TMPRSS4: variants seen among roughly 807,000 people sequenced by gnomAD.
TMPRSS4 encodes transmembrane serine protease 4.
In TMPRSS4, 45 loss-of-function variants were observed where a neutral mutation model predicts 56.4. The ratio of observed to expected loss-of-function variants is 0.80; its 90% CI spans 0.63 to 1.02. The LOEUF is 1.02. Among genes scored for constraint, TMPRSS4 ranks in the 50% least tolerant of loss-of-function variants. The pLI, the probability that TMPRSS4 is intolerant of heterozygous loss-of-function variation, is 0.00. For missense variants in TMPRSS4, 546 were observed against 556.7 expected, an observed-to-expected ratio of 0.98 and a Z score of 0.19; for synonymous variants, 205 against 211.0, an observed-to-expected ratio of 0.97 and a Z score of 0.25.
At position 118,104,831 on chromosome 11, in the gene TMPRSS4, T is replaced by C; in HGVS notation, c.440+11T>C. On this transcript the variant is annotated intron_variant, in intron 5 of 12. Coordinates refer to ENST00000437212, the MANE Select transcript of TMPRSS4 (RefSeq NM_019894.4). ...GATGGGCTACAGCAGGTAACCAACC[T>C]GGGCCTCTCTCCTTTTTCCCTCCTT... 7.0e-6 allele frequency: 11 copies of C among 1,565,062 alleles called. No homozygotes were observed. Among genetic ancestry groups the C allele is most frequent in the East Asian group, 2.4e-5 (1 of 41,814 alleles).
chr11:118,082,760 T>A (rs903252671), intron 1 of TMPRSS4, among the ~76,000 whole-genome samples: 1 of 151,956 alleles, frequency 6.6e-6, no homozygotes, highest in African/African-American at 2.4e-5. Context: ...GATAGAAAAT[T>A]GATTTAAAGA....
chr11:118,116,599 TG>T (rs1353445868), intron 11 of TMPRSS4, among the ~76,000 whole-genome samples: 7 of 131,512 alleles, frequency 5.3e-5, no homozygotes, highest in African/African-American at 2.3e-4. Flanking sequence ...CAGGGATCTT[TG>T]TTTTTTTTCA....
intron 3 of TMPRSS4, 64 bp from the exon 4 acceptor site, chr11:118,103,037 C>T (rs1342417594): frequency 1.3e-6 from 2 of 1,585,170 alleles, no homozygotes; most frequent in Non-Finnish European, 1.7e-6. Context: ...CAGGAAAACC[C>T]AGCGTCTCCC....
Position 118,098,974 on chromosome 11 carries a change from T to C in TMPRSS4, c.44-11T>C, listed in dbSNP as rs765447378. On this transcript the variant is annotated splice_polypyrimidine_tract_variant and intron_variant, in intron 2 of 12. Transcript: ENST00000437212. ...GCATGCTCTTCCCCTCTGCCTCCCA[T>C]TTTCTTGCAGATGTCAAACCCCTGC... 5.6e-6 allele frequency: 9 copies of C among 1,608,182 alleles called. No individual in the cohort carries two copies. In the South Asian group the frequency reaches 9.9e-5, roughly 18 times the overall value.
At chr11:118,088,123 GT>G (rs1455094744) in intron 1 of TMPRSS4, 1 of 152,230 alleles carries the variant, frequency 6.6e-6, no homozygotes, top group African/African-American at 2.4e-5. Context: ...GCTAATGACT[GT>G]TACCGAAATG....
intron 2 of TMPRSS4, among the ~76,000 whole-genome samples, chr11:118,096,129 G>C: frequency 6.6e-6 from 1 of 152,180 alleles, no homozygotes; most frequent in East Asian, 1.9e-4. Context: ...TGAACAAAAT[G>C]TCATCATGGC....
chr11:118,115,381 A>G, intron 11 of TMPRSS4, 101 bp downstream of exon 11: 2 of 1,410,926 alleles, frequency 1.4e-6, no homozygotes, highest in African/African-American at 2.8e-5. Context: ...AGCCTTGCAT[A>G]TCATGGGCAC....
rs1253842862 is a variant in TMPRSS4, at chr11:118,118,236, C to T, written c.*323C>T. On this transcript the variant is annotated 3_prime_UTR_variant, in exon 13 of 13. Coordinates refer to ENST00000437212, the MANE Select transcript of TMPRSS4 (RefSeq NM_019894.4). ...TCCCACACTACTGAATGGAAGCAGG[C>T]TGTCTTGTAAAAGCCCAGATCACTG... 1.9e-5 allele frequency: 24 copies of T among 1,265,434 alleles called. No individual in the cohort carries two copies. The highest frequency in any genetic ancestry group is 2.3e-5 in the Non-Finnish European group (23 of 1,002,828). 78.4% of individuals were successfully genotyped at this position (1,265,434 alleles called of 1,614,324 possible). A position where few individuals can be genotyped will look rare whatever the true frequency, so the allele number is the denominator to read the frequency against.
In TMPRSS4 at chr11:118,118,072, A is replaced by G. The variant is rs925906084; in HGVS notation, c.*159A>G. ...GCAGCAAAGGGCCTCAATTCCTATA[A>G]GAGACCCTCGCAGCCCAGAGGCGCC... On this transcript the variant is annotated 3_prime_UTR_variant, in exon 13 of 13. Coordinates refer to ENST00000437212, the MANE Select transcript of TMPRSS4 (RefSeq NM_019894.4). 1 of 1,478,580 alleles carries G rather than the reference A, an allele frequency of 6.8e-7. No homozygotes were observed. Among genetic ancestry groups the G allele is most frequent in the East Asian group, 2.4e-5 (1 of 40,836 alleles). The allele number at this position is 1,478,580 out of a possible 1,614,324, so 91.6% of individuals were successfully genotyped here. A position where few individuals can be genotyped will look rare whatever the true frequency, so the allele number is the denominator to read the frequency against.
chr11:118,082,287 G>A (rs1396380467), intron 1 of TMPRSS4, among the ~76,000 whole-genome samples: 1 of 152,188 alleles, frequency 6.6e-6, no homozygotes, highest in African/African-American at 2.4e-5. Context: ...TCAGCCGGGT[G>A]TGGTGGCTCA....
chr11:118,117,545 C>G (rs566952202), intron 12 of TMPRSS4, 91 bp downstream of exon 12: 1 of 1,518,918 alleles, frequency 6.6e-7, no homozygotes, highest in Non-Finnish European at 8.8e-7. Flanking sequence ...TTAAATGGTT[C>G]TGACAACTCT....
chr11:118,124,867 C>T (rs1297169877), downstream of TMPRSS4, among the ~76,000 whole-genome samples: 1 of 152,238 alleles, frequency 6.6e-6, no homozygotes, highest in Admixed American at 6.5e-5. Context: ...CCTAGCTTTG[C>T]TCCCTTCAAT....
chr11:118,102,690 C>G (rs1457325936), intron 3 of TMPRSS4, among the ~76,000 whole-genome samples: 1 of 152,174 alleles, frequency 6.6e-6, no homozygotes, highest in African/African-American at 2.4e-5. Context: ...GCCTGGATGA[C>G]AGAGTGAGAC....
At chr11:118,111,632 C>T (rs1387980738) in intron 7 of TMPRSS4, 109 bp from the exon 8 acceptor site, 2 of 831,826 alleles carry the variant, frequency 2.4e-6, no homozygotes, top group Admixed American at 3.8e-5. Context: ...TCCACTCTGG[C>T]CCCAGCCATA....
At chr11:118,091,753 A>G (rs1945981447) in intron 1 of TMPRSS4, among the ~76,000 whole-genome samples, 1 of 152,196 alleles carries the variant, frequency 6.6e-6, no homozygotes, top group South Asian at 2.1e-4. Flanking sequence ...ACTAGACAAG[A>G]GTTAGATGAA....
rs145576293 is a variant in TMPRSS4 at position 118,113,358 on chromosome 11, T to C, written c.833T>C (p.Ile278Thr). Residue 278 changes from isoleucine to threonine, a missense_variant, in exon 9 of 13, where the codon ATC becomes ACC. Transcript: ENST00000437212. ...TCCCTGGCTGTGGCCAAGATCATCATCATTGAATTCAACCCCATGTACCCC... is the reference window on the plus strand; with the variant it reads ...TCCCTGGCTGTGGCCAAGATCATCACCATTGAATTCAACCCCATGTACCCC... Reference protein sequence around the residue: ...FPSLAVAKIIIIEFNPMYPKD... With the variant: ...FPSLAVAKIITIEFNPMYPKD... The C allele has an allele frequency of 1.3e-4, 208 of 1,614,142 alleles. 3 individuals are homozygous for C. In the South Asian group the frequency reaches 1.8e-3, roughly 14 times the overall value.
intron 3 of TMPRSS4, among the ~76,000 whole-genome samples, chr11:118,099,481 A>AAGGAAGAAAG (rs141362371): frequency 7.1e-6 from 1 of 141,812 alleles, no homozygotes; most frequent in South Asian, 2.3e-4. Flanking sequence ...GAAAGAAAGA[A>AAGGAAGAAAG]AAAGAAAGAA....
chr11:118,085,767 G>T (rs1449331191), intron 1 of TMPRSS4, among the ~76,000 whole-genome samples: 1 of 152,240 alleles, frequency 6.6e-6, no homozygotes, highest in South Asian at 2.1e-4. Flanking sequence ...GCCCTCTCGA[G>T]TCCCCTCCAG....
intron 1 of TMPRSS4, among the ~76,000 whole-genome samples, chr11:118,079,037 C>T (rs1315679098): frequency 6.6e-6 from 1 of 152,182 alleles, no homozygotes; most frequent in African/African-American, 2.4e-5. Context: ...AGGGAAGGAG[C>T]TGGGCATTGC....
Sources: allele counts gnomAD v4.1 joint callset (sites outside exome capture counted in the v4.1 genomes callset), GRCh38; gene constraint gnomAD v4.1.1; transcripts MANE v1.5; gene names NCBI Gene and HGNC (gene_info 2026-07-23, HGNC 2026-07-21).